Variants in PRKCB observed in about 807,000 individuals in gnomAD.
PRKCB encodes the protein protein kinase C beta, also known as protein kinase C beta type.
In PRKCB, 13 loss-of-function variants were observed where a neutral mutation model predicts 81.5. The ratio of observed to expected loss-of-function variants is 0.16; its 90% CI spans 0.10 to 0.25. PRKCB has a LOEUF of 0.25. PRKCB is among the 10% of genes least tolerant of loss of function. The pLI, the probability that PRKCB is intolerant of heterozygous loss-of-function variation, is 1.00. For missense variants in PRKCB, 509 were observed against 875.7 expected (o/e 0.58, Z 5.29); for synonymous variants, 335 against 321.4 (o/e 1.04, Z -0.45).
chr16:23,896,781 G>C (rs1963384941), intron 2 of PRKCB, among the ~76,000 whole-genome samples: 1 of 152,156 alleles, frequency 6.6e-6, no homozygotes, highest in Non-Finnish European at 1.5e-5. Flanking sequence ...TGAATTAAAG[G>C]AATGCACACA....
At chr16:24,147,647 A>T (rs754316369) in intron 9 of PRKCB, among the ~76,000 whole-genome samples, 1 of 152,208 alleles carries the variant, frequency 6.6e-6, no homozygotes, top group Non-Finnish European at 1.5e-5. Context: ...ATATTCCAGC[A>T]CTGATTTGCT....
chr16:24,128,180 G>C (rs1024391543), intron 9 of PRKCB, among the ~76,000 whole-genome samples: 2 of 151,988 alleles, frequency 1.3e-5, no homozygotes, highest in African/African-American at 4.8e-5. Flanking sequence ...TTCGAGGCCA[G>C]CCTGGCCAAT....
chr16:23,965,034 T>A (rs1964469638), intron 2 of PRKCB, among the ~76,000 whole-genome samples: 1 of 152,128 alleles, frequency 6.6e-6, no homozygotes, highest in Non-Finnish European at 1.5e-5. Flanking sequence ...GTTCAGGGGG[T>A]ACATGTACAG....
chr16:23,931,488 G>A (rs1337307482), intron 2 of PRKCB, among the ~76,000 whole-genome samples: 1 of 152,212 alleles, frequency 6.6e-6, no homozygotes, highest in African/African-American at 2.4e-5. Context: ...GCCCAGTGGG[G>A]AGTTCTGATG....
chr16:24,183,513 A>T (rs753290230), intron 13 of PRKCB, among the ~76,000 whole-genome samples: 5 of 152,222 alleles, frequency 3.3e-5, no homozygotes, highest in African/African-American at 4.8e-5. Context: ...ATAGAAATCA[A>T]AGTGGGAGAT....
At chr16:24,135,718 T>C (rs1596563866) in intron 9 of PRKCB, among the ~76,000 whole-genome samples, 1 of 152,276 alleles carries the variant, frequency 6.6e-6, no homozygotes, top group Middle Eastern at 3.4e-3. Flanking sequence ...ACAAAGGCCT[T>C]CTCTAAAGTC....
intron 3 of PRKCB, among the ~76,000 whole-genome samples, chr16:24,025,119 G>A (rs1965459138): frequency 6.6e-6 from 1 of 152,194 alleles, no homozygotes; most frequent in Admixed American, 6.5e-5. Flanking sequence ...CCTGCAACTT[G>A]CCGATTGGTT....
At chr16:24,060,149 T>A (rs1027307208) in intron 5 of PRKCB, among the ~76,000 whole-genome samples, 2 of 152,126 alleles carry the variant, frequency 1.3e-5, no homozygotes, top group Non-Finnish European at 2.9e-5. Context: ...GTCCTAGGCT[T>A]TGTCTTCAGG....
At chr16:24,051,294 C>G (rs1009686393) in intron 5 of PRKCB, among the ~76,000 whole-genome samples, 1 of 152,124 alleles carries the variant, frequency 6.6e-6, no homozygotes, top group African/African-American at 2.4e-5. Flanking sequence ...AGCCTTAGGG[C>G]TGGCTGGTTT....
chr16:24,128,290 G>A (rs1036356499), intron 9 of PRKCB, among the ~76,000 whole-genome samples: 2 of 152,126 alleles, frequency 1.3e-5, no homozygotes, highest in African/African-American at 2.4e-5. Flanking sequence ...CAGGAGAATC[G>A]CTTGAACCGA....
Position 24,214,897 on chromosome 16 carries a change from G to A in PRKCB, c.*81G>A. On this transcript the variant is annotated 3_prime_UTR_variant, in exon 17 of 17. Transcript: ENST00000643927. Reference sequence around the variant, plus strand: ...TGGTGACATTTTTATGTTTTTCATTGCCAAGTTGCATCCATGTTTGATTTT... The same window carrying A: ...TGGTGACATTTTTATGTTTTTCATTACCAAGTTGCATCCATGTTTGATTTT... 6.4e-7 allele frequency: 1 copy of A among 1,562,322 alleles called. No individual in the cohort carries two copies.
chr16:24,141,604 G>A (rs1966903106), intron 9 of PRKCB, among the ~76,000 whole-genome samples: 1 of 152,202 alleles, frequency 6.6e-6, no homozygotes, highest in African/African-American at 2.4e-5. Context: ...GCAGAAGGAG[G>A]GCTTTGGCAA....
intron 2 of PRKCB, among the ~76,000 whole-genome samples, chr16:23,959,532 G>A (rs949745848): frequency 6.6e-6 from 1 of 152,246 alleles, no homozygotes; most frequent in African/African-American, 2.4e-5. Context: ...TGGAGAGGCA[G>A]CGCCTCGCAG....
At chr16:23,869,376 G>C (rs8057472) in intron 2 of PRKCB, 10,763 of 253,352 alleles carry the variant, frequency 0.042, 1,128 homozygotes, top group African/African-American at 0.23. Context: ...TTCGAATATT[G>C]TAAGTCACTA....
chr16:23,857,965 C>T (rs559940691), intron 2 of PRKCB, among the ~76,000 whole-genome samples: 2 of 152,068 alleles, frequency 1.3e-5, no homozygotes, highest in Non-Finnish European at 2.9e-5. Flanking sequence ...GTTATTGTTG[C>T]CATTTTATGC....
At chr16:24,102,912 G>C (rs1019886827) in intron 7 of PRKCB, among the ~76,000 whole-genome samples, 2 of 151,994 alleles carry the variant, frequency 1.3e-5, no homozygotes, top group African/African-American at 4.8e-5. Flanking sequence ...TGTTTGTTTT[G>C]AGACGGAGTT....
chr16:24,051,114 C>T (rs1205838868), intron 5 of PRKCB, among the ~76,000 whole-genome samples: 1 of 152,150 alleles, frequency 6.6e-6, no homozygotes, highest in Admixed American at 6.5e-5. Context: ...GCCCTCCTTA[C>T]TTTTGAAAAG....
intron 2 of PRKCB, among the ~76,000 whole-genome samples, chr16:23,939,880 T>C (rs1432214798): frequency 1.3e-5 from 2 of 152,218 alleles, no homozygotes; most frequent in Non-Finnish European, 2.9e-5. Flanking sequence ...AACGCTATTG[T>C]TCTGCAAAAC....
chr16:24,213,300 TG>T (rs1445685139), intron 16 of PRKCB, among the ~76,000 whole-genome samples: 1 of 152,202 alleles, frequency 6.6e-6, no homozygotes, highest in Non-Finnish European at 1.5e-5. Flanking sequence ...CCCAAAGTGC[TG>T]GGATTACAGG....
Sources: gnomAD v4.1 joint callset for allele counts (sites outside exome capture counted in the v4.1 genomes callset) on GRCh38, gnomAD v4.1.1 for gene constraint, MANE v1.5 for transcripts, NCBI Gene and HGNC (gene_info 2026-07-23, HGNC 2026-07-21) for gene names.